NTRK2: variants seen among roughly 807,000 people sequenced by gnomAD.
NTRK2 encodes BDNF/NT-3 growth factors receptor.
A neutral mutation model predicts 94.5 loss-of-function variants in NTRK2; 13 were observed. That is an observed-to-expected ratio of 0.14 (90% CI 0.09 to 0.22). The LOEUF (loss-of-function observed/expected upper bound fraction) is 0.22. Ranked by LOEUF, NTRK2 falls within the 10% of genes least tolerant of loss-of-function variation. The pLI, the probability that NTRK2 is intolerant of heterozygous loss-of-function variation, is 1.00. For synonymous variants in NTRK2, 372 were observed against 407.4 expected, an observed-to-expected ratio of 0.91 and a Z score of 1.05; for missense variants, 639 against 1,071.2, an observed-to-expected ratio of 0.60 and a Z score of 5.63.
intron 12 of NTRK2, among the ~76,000 whole-genome samples, chr9:84,781,686 C>G (rs952108421): frequency 6.6e-6 from 1 of 152,130 alleles, no homozygotes; most frequent in Non-Finnish European, 1.5e-5. Flanking sequence ...CAAGAACAAG[C>G]ATATCAAGTG....
At chr9:84,882,578 G>C (rs568124559) in intron 14 of NTRK2, among the ~76,000 whole-genome samples, 1 of 152,252 alleles carries the variant, frequency 6.6e-6, no homozygotes, top group South Asian at 2.1e-4. Flanking sequence ...TGTTGGAGGA[G>C]ATCTGTATCT....
rs3029704 is a variant in NTRK2 at position 84,848,079 on chromosome 9, CAGAGAGAGAG to C, written c.1397-12938_1397-12929del. On this transcript the variant is annotated intron_variant, in intron 12 of 18. Coordinates refer to ENST00000277120, the MANE Select transcript of NTRK2 (RefSeq NM_006180.6). The stretch of plus-strand genomic sequence containing the variant: ...TCTCTGTGGCTCCAGTAGAGAGGGG[CAGAGAGAGAG>C]AGAGAGAGAGAGAGAGAGAGAGCTC... 4.8e-5 allele frequency among the ~76,000 whole-genome samples: 7 copies of C among 144,358 alleles called. 1 individual carries two copies. In the East Asian group the frequency reaches 8.4e-4, roughly 17 times the overall value. The allele number at this position is 144,358 out of a possible 152,430, so 94.7% of individuals were successfully genotyped here.
chr9:84,920,120 C>G (rs948519154), intron 14 of NTRK2, among the ~76,000 whole-genome samples: 2 of 152,288 alleles, frequency 1.3e-5, no homozygotes, highest in African/African-American at 4.8e-5. Flanking sequence ...GGTTCTTGTA[C>G]AGCAAGGGTG....
At chr9:85,020,610 T>C (rs1832700951) in intron 18 of NTRK2, among the ~76,000 whole-genome samples, 1 of 152,148 alleles carries the variant, frequency 6.6e-6, no homozygotes, top group South Asian at 2.1e-4. Context: ...GACTGAGGAG[T>C]CACTTTATGC....
intron 17 of NTRK2, among the ~76,000 whole-genome samples, chr9:84,971,986 G>A (rs1348470077): frequency 6.6e-6 from 1 of 152,182 alleles, no homozygotes; most frequent in Non-Finnish European, 1.5e-5. Flanking sequence ...AGGAGACCAA[G>A]GATTCAGCTG....
chr9:84,919,218 C>T (rs747871619), intron 14 of NTRK2, among the ~76,000 whole-genome samples: 1 of 152,130 alleles, frequency 6.6e-6, no homozygotes, highest in Non-Finnish European at 1.5e-5. Flanking sequence ...CACCTTAGAC[C>T]CTTTTGTGTC....
At chr9:84,801,659 G>T (rs2070470786) in intron 12 of NTRK2, among the ~76,000 whole-genome samples, 1 of 152,140 alleles carries the variant, frequency 6.6e-6, no homozygotes, top group South Asian at 2.1e-4. Context: ...AGGCAGGCCA[G>T]GCTATGCTAT....
intron 17 of NTRK2, among the ~76,000 whole-genome samples, chr9:85,009,983 G>C (rs1325549457): frequency 6.6e-6 from 1 of 152,174 alleles, no homozygotes; most frequent in African/African-American, 2.4e-5. Context: ...GCTAATGGTG[G>C]AATGTAGATT....
intron 12 of NTRK2, among the ~76,000 whole-genome samples, chr9:84,836,268 A>G (rs2073867943): frequency 6.6e-6 from 1 of 152,168 alleles, no homozygotes; most frequent in African/African-American, 2.4e-5. Flanking sequence ...ATGCAAGAAG[A>G]GGGCAGCTCT....
chr9:84,689,014 A>G (rs2059886174), intron 2 of NTRK2, among the ~76,000 whole-genome samples: 1 of 152,224 alleles, frequency 6.6e-6, no homozygotes, highest in African/African-American at 2.4e-5. Context: ...CAATAATAGA[A>G]AAATAGAAAA....
rs573326112 is a variant in NTRK2 at position 84,700,920 on chromosome 9, G to GTCCA, written c.213-1219_213-1216dup. Among the ~76,000 whole-genome samples, 40 of 152,028 alleles carry GTCCA rather than the reference G, an allele frequency of 2.6e-4. No individual in the cohort carries two copies. In the South Asian group the frequency reaches 6.0e-3, roughly 23 times the overall value. Reference sequence around the variant, plus strand: ...CTTTTCTCCATCTGTCCATCCATCCGTCCATCCATCCATCCATCCATCCTT... The same window carrying GTCCA: ...CTTTTCTCCATCTGTCCATCCATCCGTCCATCCATCCATCCATCCATCCATCCTT... On this transcript the variant is annotated intron_variant, in intron 2 of 18. Coordinates refer to ENST00000277120, the MANE Select transcript of NTRK2 (RefSeq NM_006180.6).
intron 17 of NTRK2, among the ~76,000 whole-genome samples, chr9:84,996,859 C>T (rs934871354): frequency 6.6e-6 from 1 of 152,182 alleles, no homozygotes; most frequent in African/African-American, 2.4e-5. Context: ...TGGCAGGTGC[C>T]CTGCAAGCAG....
intron 17 of NTRK2, among the ~76,000 whole-genome samples, chr9:84,978,310 C>G (rs1827157624): frequency 6.6e-6 from 1 of 152,206 alleles, no homozygotes; most frequent in Non-Finnish European, 1.5e-5. Flanking sequence ...CCAGTGAACA[C>G]ATGAATGACA....
At chr9:84,926,106 T>TTCC (rs1564470625) in intron 14 of NTRK2, among the ~76,000 whole-genome samples, 5 of 108,780 alleles carry the variant, frequency 4.6e-5, no homozygotes, top group African/African-American at 2.0e-4. Context: ...CCTTCCTTCC[T>TTCC]TTCCTTCCTT....
chr9:84,886,074 G>A (rs936475080), intron 14 of NTRK2, among the ~76,000 whole-genome samples: 18 of 151,996 alleles, frequency 1.2e-4, no homozygotes, highest in Non-Finnish European at 2.4e-4. Context: ...AGAGAATACA[G>A]AACACCTGTA....
At chr9:84,687,091 T>A (rs2059765903) in intron 2 of NTRK2, among the ~76,000 whole-genome samples, 1 of 152,142 alleles carries the variant, frequency 6.6e-6, no homozygotes, top group East Asian at 1.9e-4. Context: ...TTTTTCCTTT[T>A]TTTGTGGAGA....
intron 12 of NTRK2, among the ~76,000 whole-genome samples, chr9:84,809,014 C>G (rs755921164): frequency 1.3e-3 from 205 of 152,076 alleles, no homozygotes; most frequent in Non-Finnish European, 2.4e-3. Context: ...TCTATTTTGC[C>G]ACTTATGGAT....
At chr9:84,906,049 C>T (rs2077067008) in intron 14 of NTRK2, among the ~76,000 whole-genome samples, 1 of 152,078 alleles carries the variant, frequency 6.6e-6, no homozygotes, top group African/African-American at 2.4e-5. Flanking sequence ...AAGAGACATC[C>T]CAAAGGAAGC....
intron 12 of NTRK2, among the ~76,000 whole-genome samples, chr9:84,764,007 C>T (rs10746749): frequency 6.6e-6 from 1 of 151,926 alleles, no homozygotes; most frequent in Non-Finnish European, 1.5e-5. Flanking sequence ...TTTATCCTCT[C>T]TATTTCCTAT....
Sources: gnomAD v4.1 joint callset for allele counts (sites outside exome capture counted in the v4.1 genomes callset) on GRCh38, gnomAD v4.1.1 for gene constraint, MANE v1.5 for transcripts, NCBI Gene and HGNC (gene_info 2026-07-23, HGNC 2026-07-21) for gene names.